NTNG1: variants seen among roughly 807,000 people sequenced by gnomAD.
The protein encoded by NTNG1 is netrin-G1.
In NTNG1, 16 loss-of-function variants were observed where a neutral mutation model predicts 54.0. The ratio of observed to expected loss-of-function variants is 0.30; its 90% CI spans 0.20 to 0.45. The LOEUF (loss-of-function observed/expected upper bound fraction) is 0.45, where lower values mean the gene tolerates loss of function less well. NTNG1 is among the 20% of genes least tolerant of loss of function. The pLI, the probability that NTNG1 is intolerant of heterozygous loss-of-function variation, is 1.00. For missense variants in NTNG1, 530 were observed against 678.7 expected, an observed-to-expected ratio of 0.78 and a Z score of 2.43; for synonymous variants, 255 against 263.1, an observed-to-expected ratio of 0.97 and a Z score of 0.30.
At chr1:107,341,039 A>G (rs1359985003) in intron 3 of NTNG1, among the ~76,000 whole-genome samples, 1 of 152,072 alleles carries the variant, frequency 6.6e-6, no homozygotes, top group African/African-American at 2.4e-5. Context: ...CTGTAATTCC[A>G]GTGCTTTGAG....
At chr1:107,442,430 T>G (rs1011308757) in intron 7 of NTNG1, among the ~76,000 whole-genome samples, 5 of 152,220 alleles carry the variant, frequency 3.3e-5, no homozygotes, top group Non-Finnish European at 7.4e-5. Flanking sequence ...AAGAGAGACC[T>G]CTACATTAAC....
At chr1:107,470,625 C>T (rs534651115) in intron 7 of NTNG1, among the ~76,000 whole-genome samples, 4 of 152,308 alleles carry the variant, frequency 2.6e-5, no homozygotes, top group Admixed American at 2.6e-4. Flanking sequence ...TATGTGTTGC[C>T]ATTTTGTGTG....
chr1:107,227,103 G>A (rs1445698198), intron 2 of NTNG1, among the ~76,000 whole-genome samples: 5 of 152,072 alleles, frequency 3.3e-5, no homozygotes, highest in Non-Finnish European at 7.4e-5. Context: ...TGGGGTCTGA[G>A]TTTCAGCTCT....
At chr1:107,346,884 TAAAAA>T (rs537482440) in intron 3 of NTNG1, among the ~76,000 whole-genome samples, 5 of 97,126 alleles carry the variant, frequency 5.1e-5, no homozygotes, top group African/African-American at 1.6e-4. Flanking sequence ...TTTTCTATCC[TAAAAA>T]AAAAAAAAAA....
intron 7 of NTNG1, among the ~76,000 whole-genome samples, chr1:107,475,187 T>A (rs1678236487): frequency 1.3e-5 from 2 of 152,196 alleles, no homozygotes; most frequent in South Asian, 4.1e-4. Flanking sequence ...ATAGAAGAGT[T>A]CATGTCTCCC....
At chr1:107,187,207 A>G (rs542897582) in intron 2 of NTNG1, among the ~76,000 whole-genome samples, 14 of 152,162 alleles carry the variant, frequency 9.2e-5, no homozygotes, top group African/African-American at 3.4e-4. Flanking sequence ...TTTATTGCCT[A>G]TCTTTACCAC....
Position 107,163,062 on chromosome 1 carries a change from T to C in NTNG1, c.246+14223T>C, listed in dbSNP as rs535605330. ...GTACACATTTTGTACATCTTCTTGT[T>C]TGTTCAGGGGGAATTGGAGGATCTT... is the stretch of plus-strand genomic sequence containing the variant. On this transcript the variant is annotated intron_variant, in intron 2 of 7. Coordinates refer to ENST00000370068, the MANE Select transcript of NTNG1 (RefSeq NM_001113226.3). 2.1e-4 allele frequency among the ~76,000 whole-genome samples: 32 copies of C among 152,288 alleles called. 1 individual carries two copies. The South Asian group carries it at 6.2e-3, about 30-fold the overall frequency.
At chr1:107,405,546 A>G (rs1673359271) in intron 4 of NTNG1, among the ~76,000 whole-genome samples, 1 of 152,108 alleles carries the variant, frequency 6.6e-6, no homozygotes, top group African/African-American at 2.4e-5. Context: ...GGAATGAAAA[A>G]ATTTCTGCAT....
rs115351785 is a variant in NTNG1, at chr1:107,478,943, A to C, written c.1391-1668A>C. On this transcript the variant is annotated intron_variant, in intron 7 of 7. Coordinates refer to ENST00000370068, the MANE Select transcript of NTNG1 (RefSeq NM_001113226.3). ...TTGACATTTTTAACCATGACTCATA[A>C]AATAATGTGGTTCTAATATTATGAT... Among the ~76,000 whole-genome samples, 637 of 152,338 alleles carry C rather than the reference A, an allele frequency of 4.2e-3. 10 individuals carry two copies. The highest frequency in any genetic ancestry group is 0.015 in the African/African-American group (613 of 41,580).
intron 2 of NTNG1, among the ~76,000 whole-genome samples, chr1:107,256,626 T>C (rs72699332): frequency 0.081 from 12,375 of 152,178 alleles, 577 homozygotes; most frequent in Middle Eastern, 0.11. Flanking sequence ...GGGAGGATGT[T>C]CAGGCAGATA....
intron 2 of NTNG1, among the ~76,000 whole-genome samples, chr1:107,181,815 G>A (rs1371878612): frequency 1.3e-5 from 2 of 152,030 alleles, no homozygotes; most frequent in Non-Finnish European, 2.9e-5. Flanking sequence ...AGAAATGTGA[G>A]GTAAGGCTGA....
At chr1:107,277,742 T>A (rs1489097069) in intron 2 of NTNG1, among the ~76,000 whole-genome samples, 2 of 152,226 alleles carry the variant, frequency 1.3e-5, no homozygotes, top group Non-Finnish European at 1.5e-5. Flanking sequence ...TGACAAATTG[T>A]TGATGCTGCA....
At chr1:107,298,579 C>T (rs1338964621) in intron 2 of NTNG1, among the ~76,000 whole-genome samples, 1 of 152,172 alleles carries the variant, frequency 6.6e-6, no homozygotes, top group Non-Finnish European at 1.5e-5. Flanking sequence ...TCTTTTGACT[C>T]TTATTTTATG....
In NTNG1 at chr1:107,395,309, A is replaced by G. The variant is rs1192548231; in HGVS notation, c.1043A>G (p.Lys348Arg). ...WSPGSYLPIPKGTANTCIPSI... is the reference protein window; with the variant it reads ...WSPGSYLPIPRGTANTCIPSI... ...CCAGGCTCCTATCTCCCCATCCCCA[A>G]AGGCACTGCAAATACCTGTGAGTAA... Residue 348 changes from lysine to arginine, a missense_variant, in exon 4 of 8, where the codon AAA (lysine) becomes AGA (arginine). Physicochemically the swap from Lys to Arg is conservative, Grantham distance 26 (BLOSUM62 2). Transcript: ENST00000370068. 1.2e-6 allele frequency: 2 copies of G among 1,613,402 alleles called. No homozygotes were observed. The highest frequency in any genetic ancestry group is 1.7e-6 in the Non-Finnish European group (2 of 1,179,542).
chr1:107,237,953 G>C (rs1043482178), intron 2 of NTNG1, among the ~76,000 whole-genome samples: 9 of 152,166 alleles, frequency 5.9e-5, no homozygotes, highest in Admixed American at 1.3e-4. Flanking sequence ...GCCTACTGGG[G>C]CACCACCTAG....
intron 7 of NTNG1, among the ~76,000 whole-genome samples, chr1:107,475,465 TG>T (rs1429224311): frequency 1.5e-4 from 23 of 152,174 alleles, no homozygotes; most frequent in Non-Finnish European, 1.0e-4. Context: ...GGGTGCTTTT[TG>T]TTCCTCTCAC....
At chr1:107,371,240 T>C (rs1670905796) in intron 3 of NTNG1, among the ~76,000 whole-genome samples, 1 of 152,106 alleles carries the variant, frequency 6.6e-6, no homozygotes, top group African/African-American at 2.4e-5. Context: ...TCTTTCTTAG[T>C]TTGTTAATAT....
intron 5 of NTNG1, among the ~76,000 whole-genome samples, chr1:107,417,290 C>G (rs1328202): frequency 0.43 from 65,888 of 151,490 alleles, 14,504 homozygotes; most frequent in Middle Eastern, 0.51. Context: ...TATGAGAACA[C>G]AGCGAAAGAG....
intron 5 of NTNG1, among the ~76,000 whole-genome samples, chr1:107,412,802 A>T (rs969051817): frequency 6.6e-6 from 1 of 152,232 alleles, no homozygotes; most frequent in Non-Finnish European, 1.5e-5. Flanking sequence ...GGGAAAATGT[A>T]TAGATGTCAG....
Sources: allele counts gnomAD v4.1 joint callset (sites outside exome capture counted in the v4.1 genomes callset), GRCh38; gene constraint gnomAD v4.1.1; transcripts MANE v1.5; gene names NCBI Gene and HGNC (gene_info 2026-07-23, HGNC 2026-07-21).